Variants in ESS2 observed in about 807,000 individuals in gnomAD.
ESS2 encodes the protein ess-2 spliceosome associated protein, also known as splicing factor ESS-2 homolog.
In ESS2, 31 loss-of-function variants were observed where a neutral mutation model predicts 52.0. That is an observed-to-expected ratio of 0.60 (90% confidence interval 0.45 to 0.81). ESS2 has a LOEUF of 0.81. Ranked by LOEUF, ESS2 falls within the 30% of genes least tolerant of loss-of-function variation. The probability of loss-of-function intolerance (pLI) is 0.00; values close to 1 mark genes in which losing one functional copy is unlikely to be tolerated. For synonymous variants in ESS2, 285 were observed against 259.2 expected, an observed-to-expected ratio of 1.10 and a Z score of -0.95; for missense variants, 602 against 637.2, an observed-to-expected ratio of 0.94 and a Z score of 0.59.
chr22:19,134,139 T>C lies in ESS2; in HGVS notation c.*57A>G, dbSNP rs1239786229. 2.1e-6 allele frequency: 3 copies of C among 1,459,160 alleles called. No homozygotes were observed. Among genetic ancestry groups the C allele is most frequent in the African/African-American group, 1.4e-5 (1 of 69,372 alleles). The allele number at this position is 1,459,160 out of a possible 1,614,324, so 90.4% of individuals were successfully genotyped here. A position where few individuals can be genotyped will look rare whatever the true frequency, so the allele number is the denominator to read the frequency against. On this transcript the variant is annotated 3_prime_UTR_variant, in exon 10 of 10. Coordinates refer to ENST00000252137, the MANE Select transcript of ESS2 (RefSeq NM_022719.3). ...GAGAAGGCTGGAGTCCTCTGCTGGGTGTACAGCTGCCCTGCAGGCTCTGTG... is the reference window on the plus strand; with the variant it reads ...GAGAAGGCTGGAGTCCTCTGCTGGGCGTACAGCTGCCCTGCAGGCTCTGTG...
intron 8 of ESS2, 31 bp from the exon 9 acceptor site, chr22:19,135,206 G>T (rs1297218928): frequency 1.3e-6 from 2 of 1,556,908 alleles, no homozygotes; most frequent in African/African-American, 1.4e-5. Flanking sequence ...GGGTAGCTGC[G>T]CCAGGCCTGC....
At chr22:19,138,599 C>CAACTCCAGAGGATGCT in intron 6 of ESS2, 1 of 570,442 alleles carries the variant, frequency 1.8e-6, no homozygotes, top group East Asian at 3.1e-5. Context: ...CCTATCCCAG[C>CAACTCCAGAGGATGCT]AACTCCAGAG....
chr22:19,141,054 GGAGGATCACTT>G (rs1331675593), intron 3 of ESS2, among the ~76,000 whole-genome samples: 2 of 151,840 alleles, frequency 1.3e-5, no homozygotes, highest in African/African-American at 4.8e-5. Context: ...GGCCAAGGTG[GGAGGATCACTT>G]GAGCTCAGAA....
chr22:19,131,537 G>A lies in ESS2; in HGVS notation c.*2659C>T, dbSNP rs1389489814. On this transcript the variant is annotated 3_prime_UTR_variant, in exon 10 of 10. Transcript: ENST00000252137. The surrounding 1 kb of genome is among the most constrained non-coding windows in gnomAD (Gnocchi z 5.7). The stretch of plus-strand genomic sequence containing the variant: ...TGGCTGTCAAGATCATCGACCGCAA[G>A]AAAACACCTACTGACTTTGTGGAGA... 6.2e-7 allele frequency: 1 copy of A among 1,614,062 alleles called. No homozygotes were observed. The highest frequency in any genetic ancestry group is 8.5e-7 in the Non-Finnish European group (1 of 1,180,058).
In ESS2 at chr22:19,131,422, GGAA is replaced by G. The variant is rs1295799368; in HGVS notation, c.*2771_*2773del. The stretch of plus-strand genomic sequence containing the variant: ...ACCATGGACGATGCCACAGTCCTAA[GGAA>G]GAAGGGTTACATCGTAGGCATCAAT... On this transcript the variant is annotated 3_prime_UTR_variant, in exon 10 of 10. Transcript: ENST00000252137. This position sits in a 1 kb window ranked among gnomAD's most constrained non-coding sequence, Gnocchi z 5.7. 3 of 1,610,864 alleles carry G rather than the reference GGAA, an allele frequency of 1.9e-6. No individual in the cohort carries two copies. Among genetic ancestry groups the G allele is most frequent in the East Asian group, 2.2e-5 (1 of 44,852 alleles).
At chr22:19,135,664 G>A (rs1027999123) in intron 8 of ESS2, among the ~76,000 whole-genome samples, 3 of 152,084 alleles carry the variant, frequency 2.0e-5, no homozygotes, top group African/African-American at 7.2e-5. Flanking sequence ...AACATTTTCT[G>A]CTGTATTTGT....
At position 19,139,848 on chromosome 22, in the gene ESS2, G is replaced by A; in HGVS notation, c.570+7C>T. On this transcript the variant is annotated splice_region_variant and intron_variant, in intron 4 of 9. Transcript: ENST00000252137. Reference sequence around the variant, plus strand: ...CGCCTATGTGACACCCCAGACCCCAGAGACACCTTCTCAAACTCTTCCTCA... The same window carrying A: ...CGCCTATGTGACACCCCAGACCCCAAAGACACCTTCTCAAACTCTTCCTCA... 6.2e-7 allele frequency: 1 copy of A among 1,614,064 alleles called. No individual in the cohort carries two copies. The highest frequency in any genetic ancestry group is 1.1e-5 in the South Asian group (1 of 91,088).
chr22:19,139,620 T>G lies in ESS2; in HGVS notation c.680A>C (p.Tyr227Ser). Reference sequence around the variant, plus strand: ...CGAGGCCCGCCACTTACCCTCTGGATAGTACATGAGGGAATTCTTGGCCTT... The same window carrying G: ...CGAGGCCCGCCACTTACCCTCTGGAGAGTACATGAGGGAATTCTTGGCCTT... Reference protein sequence around the residue: ...KYKAKNSLMYYPEGVPDEEQL... With the variant: ...KYKAKNSLMYSPEGVPDEEQL... Residue 227 changes from tyrosine to serine, a missense_variant, in exon 5 of 10, where the codon TAT becomes TCT. Transcript: ENST00000252137. The G allele has an allele frequency of 6.2e-7, 1 of 1,613,288 alleles. No individual in the cohort carries two copies. Among genetic ancestry groups the G allele is most frequent in the Non-Finnish European group, 8.5e-7 (1 of 1,179,216 alleles).
intron 8 of ESS2, among the ~76,000 whole-genome samples, chr22:19,135,583 G>T (rs1267543078): frequency 1.3e-5 from 2 of 152,174 alleles, no homozygotes; most frequent in Non-Finnish European, 2.9e-5. Context: ...CCCTTGCCAA[G>T]ACCTTGTGTC....
Position 19,142,785 on chromosome 22 carries a change from T to C in ESS2, c.245A>G (p.Gln82Arg). The stretch of plus-strand genomic sequence containing the variant: ...GGCAGAGCCAAACTTGATGGCAATC[T>C]GGCGCATCCGTTCCAAGTCTCCATT... ...EENGDLERMR[Q>R]IAIKFGSALG... is the part of the protein sequence containing the mutation. Residue 82 changes from glutamine to arginine, a missense_variant, in exon 2 of 10, where the codon CAG (glutamine) becomes CGG (arginine). Physicochemically the swap from Gln to Arg is conservative, Grantham distance 43. Transcript: ENST00000252137. The C allele has an allele frequency of 6.2e-7, 1 of 1,614,188 alleles. No homozygotes were observed. The highest frequency in any genetic ancestry group is 8.5e-7 in the Non-Finnish European group (1 of 1,180,042).
intron 3 of ESS2, among the ~76,000 whole-genome samples, chr22:19,140,595 C>T (rs2083668734): frequency 6.6e-6 from 1 of 150,634 alleles, no homozygotes; most frequent in South Asian, 2.1e-4. Flanking sequence ...ACCCCAAACA[C>T]CCCCCCCTCC....
intron 1 of ESS2, chr22:19,144,215 T>C: frequency 8.5e-7 from 1 of 1,181,420 alleles, no homozygotes; most frequent in Non-Finnish European, 1.1e-6. Flanking sequence ...TTTGCCACCA[T>C]CCTTCCAGTT....
chr22:19,134,562 C>G, intron 9 of ESS2, 87 bp from the exon 10 acceptor site: 1 of 1,366,092 alleles, frequency 7.3e-7, no homozygotes, highest in Non-Finnish European at 9.7e-7. Context: ...CCAGGAAGAG[C>G]CTGGGCAGAG....
In ESS2 at chr22:19,131,206, G is replaced by C. The variant is rs531330105; in HGVS notation, c.*2990C>G. 4.6e-5 allele frequency: 27 copies of C among 580,646 alleles called. No individual in the cohort carries two copies. The African/African-American group carries it at 4.7e-4, about 10-fold the overall frequency. 36.0% of individuals were successfully genotyped at this position (580,646 alleles called of 1,614,324 possible). A position where few individuals can be genotyped will look rare whatever the true frequency, so the allele number is the denominator to read the frequency against. On this transcript the variant is annotated 3_prime_UTR_variant, in exon 10 of 10. Coordinates refer to ENST00000252137, the MANE Select transcript of ESS2 (RefSeq NM_022719.3). This position sits in a 1 kb window ranked among gnomAD's most constrained non-coding sequence, Gnocchi z 5.7. ...CCTGTTCTCCCTCAGCCCAGTCCCC[G>C]CCCCCACTCCTTGGCTTTATGAGTT...
At chr22:19,134,965 G>T in intron 9 of ESS2, 95 bp downstream of exon 9, 3 of 1,197,768 alleles carry the variant, frequency 2.5e-6, no homozygotes, top group Middle Eastern at 2.7e-4. Context: ...GGACTCTGCC[G>T]CGTGGGCCAT....
Position 19,130,527 on chromosome 22 carries a change from T to A in ESS2, c.*3669A>T. On this transcript the variant is annotated 3_prime_UTR_variant, in exon 10 of 10. Transcript: ENST00000252137. ...CCCAGTGCCTTCAAGGCCTGTCTAC[T>A]GTGGTACCGGAGTGATTATTTCGAT... 1 of 407,230 alleles carries A rather than the reference T, an allele frequency of 2.5e-6. No individual in the cohort carries two copies. 25.2% of individuals were successfully genotyped at this position (407,230 alleles called of 1,614,324 possible). A position where few individuals can be genotyped will look rare whatever the true frequency, so the allele number is the denominator to read the frequency against.
chr22:19,143,202 CAAA>C (rs10632625), intron 1 of ESS2, among the ~76,000 whole-genome samples: 1 of 113,016 alleles, frequency 8.8e-6, no homozygotes. Context: ...GAGACCGTCT[CAAA>C]AAAAAAAAAA....
chr22:19,135,907 T>C (rs1423174660), intron 8 of ESS2, among the ~76,000 whole-genome samples: 3 of 151,632 alleles, frequency 2.0e-5, no homozygotes, highest in African/African-American at 4.8e-5. Flanking sequence ...GTGTATGCTG[T>C]TAGTCCCAGC....
At position 19,132,231 on chromosome 22, in the gene ESS2, A is replaced by G. The variant is rs1485088660; in HGVS notation, c.*1965T>C. The G allele has an allele frequency of 1.2e-6, 2 of 1,612,268 alleles. No homozygotes were observed. The highest frequency in any genetic ancestry group is 1.7e-6 in the Non-Finnish European group (2 of 1,178,670). ...CTCGTGGCTGCAGCCCCCCAAGCCC[A>G]AAGCCACGTCTTCTGCCTCCTTCAA... On this transcript the variant is annotated 3_prime_UTR_variant, in exon 10 of 10. Coordinates refer to ENST00000252137, the MANE Select transcript of ESS2 (RefSeq NM_022719.3). The surrounding 1 kb of genome is among the most constrained non-coding windows in gnomAD (Gnocchi z 4.2).
Sources: gnomAD v4.1 joint callset for allele counts (sites outside exome capture counted in the v4.1 genomes callset) on GRCh38, gnomAD v4.1.1 for gene constraint, Gnocchi (gnomAD v3.1) non-coding constraint, MANE v1.5 for transcripts, NCBI Gene and HGNC (gene_info 2026-07-23, HGNC 2026-07-21) for gene names.